CDH18: variants seen among roughly 807,000 people sequenced by gnomAD.
CDH18 encodes cadherin-18.
CDH18 carries 31 observed loss-of-function variants against 67.9 expected under a neutral mutation model. That is an observed-to-expected ratio of 0.46 (90% CI 0.34 to 0.62). The LOEUF (loss-of-function observed/expected upper bound fraction) is 0.62, where lower values mean the gene tolerates loss of function less well. CDH18 is among the 20% of genes least tolerant of loss of function. The pLI is 0.01. For missense variants in CDH18, 890 were observed against 975.5 expected (o/e 0.91, Z 1.17); for synonymous variants, 362 against 347.2 (o/e 1.04, Z -0.48).
At chr5:20,058,044 T>C (rs972717636) in intron 2 of CDH18, among the ~76,000 whole-genome samples, 1 of 152,172 alleles carries the variant, frequency 6.6e-6, no homozygotes, top group Non-Finnish European at 1.5e-5. Context: ...GATGATCTTT[T>C]AACAAAACCT....
intron 1 of CDH18, among the ~76,000 whole-genome samples, chr5:20,517,616 A>G (rs945991453): frequency 6.6e-6 from 1 of 152,056 alleles, no homozygotes; most frequent in African/African-American, 2.4e-5. Context: ...GCTATAAAAT[A>G]ATTTAAAGCA....
intron 5 of CDH18, among the ~76,000 whole-genome samples, chr5:19,718,166 A>G (rs1765567995): frequency 1.3e-5 from 2 of 152,096 alleles, no homozygotes; most frequent in African/African-American, 2.4e-5. Flanking sequence ...GGAAGAGCAC[A>G]ATGGTTAATA....
Position 19,635,539 on chromosome 5 carries a change from C to G in CDH18, c.644-22938G>C, listed in dbSNP as rs1398160570. On this transcript the variant is annotated intron_variant, in intron 5 of 12. Transcript: ENST00000382275. The stretch of plus-strand genomic sequence containing the variant: ...GACAAAGTCATCTTTGGTAGTTGCA[C>G]TGGATGGTTGGAAACATGTAGCAAT... Among the ~76,000 whole-genome samples, 6 of 152,162 alleles carry G rather than the reference C, an allele frequency of 3.9e-5. No individual in the cohort carries two copies. The East Asian group carries it at 1.2e-3, about 29-fold the overall frequency.
intron 5 of CDH18, 28 bp from the exon 6 acceptor site, chr5:19,612,629 T>C: frequency 6.6e-7 from 1 of 1,503,928 alleles, no homozygotes; most frequent in Non-Finnish European, 9.2e-7. Context: ...TAATAAACAG[T>C]ATGAGCTATA....
intron 3 of CDH18, among the ~76,000 whole-genome samples, chr5:19,780,561 T>C (rs1178395762): frequency 1.3e-5 from 2 of 152,132 alleles, no homozygotes; most frequent in Non-Finnish European, 2.9e-5. Context: ...TTTACACTGC[T>C]TCTAGACACT....
intron 5 of CDH18, among the ~76,000 whole-genome samples, chr5:19,644,176 ATGT>A (rs1401483236): frequency 2.0e-5 from 3 of 152,116 alleles, no homozygotes; most frequent in African/African-American, 7.2e-5. Context: ...GACCAAATTA[ATGT>A]TGTAATAAGA....
At chr5:19,915,449 T>C (rs1007573957) in intron 2 of CDH18, among the ~76,000 whole-genome samples, 2 of 152,148 alleles carry the variant, frequency 1.3e-5, no homozygotes, top group Non-Finnish European at 2.9e-5. Flanking sequence ...TACTGTTGAC[T>C]GGAAGCCTTC....
intron 9 of CDH18, among the ~76,000 whole-genome samples, chr5:19,535,386 A>C (rs1250748063): frequency 6.6e-6 from 1 of 152,218 alleles, no homozygotes; most frequent in Non-Finnish European, 1.5e-5. Context: ...ACATTTGTGG[A>C]AGACAAATTG....
chr5:20,322,976 G>T (rs551161710), intron 1 of CDH18, among the ~76,000 whole-genome samples: 1 of 152,056 alleles, frequency 6.6e-6, no homozygotes, highest in African/African-American at 2.4e-5. Context: ...ATATCCTTTG[G>T]TGCAACAAAG....
At chr5:20,288,232 T>G (rs1746835846) in intron 1 of CDH18, among the ~76,000 whole-genome samples, 1 of 151,810 alleles carries the variant, frequency 6.6e-6, no homozygotes, top group Admixed American at 6.6e-5. Flanking sequence ...CTCAGATGAC[T>G]GAAATCCTTA....
Position 19,919,248 on chromosome 5 carries a change from T to A in CDH18, c.-257+61812A>T, listed in dbSNP as rs539849338. Among the ~76,000 whole-genome samples, 1,223 of 152,280 alleles carry A rather than the reference T, an allele frequency of 8.0e-3. 17 individuals carry two copies. The highest frequency in any genetic ancestry group is 0.028 in the African/African-American group (1,163 of 41,556). ...GTGTCCCTCTTCATCTGGCTGTTCA[T>A]TTGTATCATCTATGATATTATAATC... On this transcript the variant is annotated intron_variant, in intron 2 of 12. Coordinates refer to ENST00000382275, the MANE Select transcript of CDH18 (RefSeq NM_004934.5).
intron 5 of CDH18, among the ~76,000 whole-genome samples, chr5:19,622,710 C>T (rs1266057757): frequency 6.6e-6 from 1 of 152,106 alleles, no homozygotes; most frequent in Non-Finnish European, 1.5e-5. Flanking sequence ...GAAAGTGAGG[C>T]ATCCAGCTGG....
intron 3 of CDH18, among the ~76,000 whole-genome samples, chr5:19,755,611 T>C (rs1194771714): frequency 6.8e-6 from 1 of 147,036 alleles, no homozygotes; most frequent in Non-Finnish European, 1.5e-5. Flanking sequence ...ATATAAGACA[T>C]ATACATATAT....
At chr5:20,395,611 C>A (rs1745218847) in intron 1 of CDH18, among the ~76,000 whole-genome samples, 1 of 152,106 alleles carries the variant, frequency 6.6e-6, no homozygotes, top group African/African-American at 2.4e-5. Flanking sequence ...AAATACAAAT[C>A]AAAATTAAAT....
intron 2 of CDH18, among the ~76,000 whole-genome samples, chr5:20,095,441 AAG>A (rs1313515846): frequency 1.4e-5 from 2 of 145,486 alleles, no homozygotes; most frequent in African/African-American, 2.6e-5. Flanking sequence ...GAAAGAAAGA[AAG>A]AAAAGAAAGA....
intron 7 of CDH18, among the ~76,000 whole-genome samples, chr5:19,584,805 A>AAAAAAAAAAAAAAAAAAAG (rs1743868286): frequency 6.7e-6 from 1 of 148,538 alleles, no homozygotes; most frequent in African/African-American, 2.5e-5. Flanking sequence ...AAAAAAAAAA[A>AAAAAAAAAAAAAAAAAAAG]AAAAAAAGAA....
chr5:20,127,708 T>C (rs913115060), intron 2 of CDH18, among the ~76,000 whole-genome samples: 3 of 152,130 alleles, frequency 2.0e-5, no homozygotes, highest in Non-Finnish European at 4.4e-5. Context: ...GGGTAGCTGC[T>C]GTTCAGTGAG....
intron 2 of CDH18, among the ~76,000 whole-genome samples, chr5:19,944,996 C>A (rs1795158136): frequency 6.6e-6 from 1 of 152,130 alleles, no homozygotes; most frequent in East Asian, 1.9e-4. Context: ...GGCCAAATGA[C>A]AAAGAACGGA....
intron 5 of CDH18, among the ~76,000 whole-genome samples, chr5:19,627,659 A>G (rs1377546468): frequency 2.0e-5 from 3 of 152,202 alleles, no homozygotes; most frequent in African/African-American, 7.2e-5. Flanking sequence ...TTATATAAAC[A>G]TACACTTATA....
Sources: gnomAD v4.1 joint callset for allele counts (sites outside exome capture counted in the v4.1 genomes callset) on GRCh38, gnomAD v4.1.1 for gene constraint, MANE v1.5 for transcripts, NCBI Gene and HGNC (gene_info 2026-07-23, HGNC 2026-07-21) for gene names.